Variants in TMEFF2 observed in about 807,000 individuals in gnomAD.
The protein encoded by TMEFF2 is tomoregulin-2.
A neutral mutation model predicts 53.8 loss-of-function variants in TMEFF2; 28 were observed. The observed-to-expected ratio is 0.52, with a 90% confidence interval of 0.39 to 0.71. The LOEUF (loss-of-function observed/expected upper bound fraction) is 0.71, where lower values mean the gene tolerates loss of function less well. TMEFF2 is among the 30% of genes least tolerant of loss of function. The pLI, the probability that TMEFF2 is intolerant of heterozygous loss-of-function variation, is 0.00. For missense variants in TMEFF2, 353 were observed against 455.2 expected, an observed-to-expected ratio of 0.78 and a Z score of 2.04; for synonymous variants, 162 against 166.3, an observed-to-expected ratio of 0.97 and a Z score of 0.20.
At chr2:191,972,045 G>T (rs955094817) in intron 7 of TMEFF2, among the ~76,000 whole-genome samples, 1 of 152,098 alleles carries the variant, frequency 6.6e-6, no homozygotes, top group Admixed American at 6.5e-5. Context: ...CTAGAATGGA[G>T]AATGTGCCAG....
chr2:192,016,117 A>G (rs1445173536), intron 5 of TMEFF2, among the ~76,000 whole-genome samples: 1 of 152,128 alleles, frequency 6.6e-6, no homozygotes, highest in Non-Finnish European at 1.5e-5. Context: ...TGGTACCAAT[A>G]TTTGGGGTTG....
chr2:192,109,366 G>A (rs910591876), intron 4 of TMEFF2, among the ~76,000 whole-genome samples: 2 of 151,724 alleles, frequency 1.3e-5, no homozygotes, highest in South Asian at 2.1e-4. Context: ...CTGTTTTATC[G>A]ACTCACTGCT....
intron 4 of TMEFF2, among the ~76,000 whole-genome samples, chr2:192,151,582 A>T (rs1158898226): frequency 6.6e-6 from 1 of 151,892 alleles, no homozygotes; most frequent in African/African-American, 2.4e-5. Flanking sequence ...GTGACTATCA[A>T]GAGCGTGATG....
At chr2:192,188,106 A>T (rs56395629) in intron 2 of TMEFF2, among the ~76,000 whole-genome samples, 45,518 of 152,112 alleles carry the variant, frequency 0.3, 6,996 homozygotes, top group East Asian at 0.36. Context: ...AAAAAAGATT[A>T]AAAAAATCTG....
At chr2:192,052,881 C>T (rs187415230) in intron 5 of TMEFF2, among the ~76,000 whole-genome samples, 5 of 152,244 alleles carry the variant, frequency 3.3e-5, no homozygotes, top group East Asian at 1.9e-4. Context: ...GATGTACTGG[C>T]GTGTGAATAA....
At chr2:192,006,355 G>A (rs1217212523) in intron 5 of TMEFF2, among the ~76,000 whole-genome samples, 1 of 152,124 alleles carries the variant, frequency 6.6e-6, no homozygotes, top group African/African-American at 2.4e-5. Flanking sequence ...ACTGAGCTGC[G>A]AAACTCTTGC....
intron 4 of TMEFF2, among the ~76,000 whole-genome samples, chr2:192,127,605 T>C (rs1689707914): frequency 6.6e-6 from 1 of 152,150 alleles, no homozygotes; most frequent in African/African-American, 2.4e-5. Flanking sequence ...CGTTGAAAAA[T>C]TGTGCTTCAA....
At chr2:191,968,203 C>T (rs1574252551) in intron 7 of TMEFF2, among the ~76,000 whole-genome samples, 1 of 152,214 alleles carries the variant, frequency 6.6e-6, no homozygotes, top group East Asian at 1.9e-4. Flanking sequence ...GCAGATTATA[C>T]CAATGTTTAT....
intron 7 of TMEFF2, among the ~76,000 whole-genome samples, chr2:191,968,979 C>T (rs1188026461): frequency 6.6e-6 from 1 of 152,096 alleles, no homozygotes; most frequent in Non-Finnish European, 1.5e-5. Flanking sequence ...AGGTGGATCA[C>T]TGCACTAACA....
At chr2:192,033,350 A>T (rs145710411) in intron 5 of TMEFF2, among the ~76,000 whole-genome samples, 1 of 152,214 alleles carries the variant, frequency 6.6e-6, no homozygotes, top group Admixed American at 6.5e-5. Flanking sequence ...CATATAATAG[A>T]TGTTCAAATT....
intron 4 of TMEFF2, among the ~76,000 whole-genome samples, chr2:192,122,790 G>T (rs1181092203): frequency 6.6e-6 from 1 of 152,098 alleles, no homozygotes; most frequent in Non-Finnish European, 1.5e-5. Context: ...GGCACTAACA[G>T]ATTGACACAG....
intron 4 of TMEFF2, among the ~76,000 whole-genome samples, chr2:192,174,084 C>G (rs1690979914): frequency 6.6e-6 from 1 of 151,744 alleles, no homozygotes; most frequent in Non-Finnish European, 1.5e-5. Context: ...AACAGGCATT[C>G]TTCAAGTCAG....
intron 7 of TMEFF2, among the ~76,000 whole-genome samples, chr2:191,957,229 TTAAG>T (rs1224287501): frequency 6.6e-6 from 1 of 152,216 alleles, no homozygotes; most frequent in Admixed American, 6.5e-5. Context: ...AATGCCATAT[TTAAG>T]TGTCTTTTGA....
intron 7 of TMEFF2, among the ~76,000 whole-genome samples, chr2:191,994,140 G>A (rs920721332): frequency 6.6e-6 from 1 of 151,882 alleles, no homozygotes; most frequent in African/African-American, 2.4e-5. Context: ...GAAACTTAGG[G>A]CTAAATACAG....
At chr2:192,109,701 T>C (rs920492607) in intron 4 of TMEFF2, among the ~76,000 whole-genome samples, 2 of 152,038 alleles carry the variant, frequency 1.3e-5, no homozygotes, top group Admixed American at 6.6e-5. Context: ...ACTTAAAAAA[T>C]TGAATTGAAG....
chr2:192,047,804 A>C (rs1210362332), intron 5 of TMEFF2, among the ~76,000 whole-genome samples: 1 of 152,170 alleles, frequency 6.6e-6, no homozygotes, highest in Non-Finnish European at 1.5e-5. Flanking sequence ...TTTGTAGGGA[A>C]ATGTGTCTGG....
intron 7 of TMEFF2, among the ~76,000 whole-genome samples, chr2:191,973,183 A>G (rs1024652485): frequency 1.3e-5 from 2 of 152,180 alleles, no homozygotes; most frequent in African/African-American, 2.4e-5. Context: ...TGAAAAATTT[A>G]TCACAAGAAA....
At chr2:191,983,906 C>T (rs918257072) in intron 7 of TMEFF2, among the ~76,000 whole-genome samples, 1 of 152,126 alleles carries the variant, frequency 6.6e-6, no homozygotes, top group East Asian at 1.9e-4. Context: ...AAGAACTTTT[C>T]TTTTCCAAGA....
chr2:191,997,673 G>C (rs1686255451), intron 7 of TMEFF2, among the ~76,000 whole-genome samples: 1 of 151,364 alleles, frequency 6.6e-6, no homozygotes, highest in Admixed American at 6.6e-5. Flanking sequence ...ATTCTTCAAA[G>C]TGAAATAATT....
Sources: allele counts gnomAD v4.1 joint callset (sites outside exome capture counted in the v4.1 genomes callset), GRCh38; gene constraint gnomAD v4.1.1; transcripts MANE v1.5; gene names NCBI Gene and HGNC (gene_info 2026-07-23, HGNC 2026-07-21).